Variants in TMC1 observed in about 807,000 individuals in gnomAD.
TMC1 encodes the protein transmembrane channel-like protein 1.
TMC1 carries 84 observed loss-of-function variants against 105.8 expected under a neutral mutation model. The observed-to-expected ratio is 0.79, with a 90% confidence interval of 0.67 to 0.95. TMC1 has a LOEUF of 0.95. Among genes scored for constraint, TMC1 ranks in the 40% least tolerant of loss-of-function variants. The pLI is 0.00. For missense variants in TMC1, 817 were observed against 914.1 expected, an observed-to-expected ratio of 0.89 and a Z score of 1.37; for synonymous variants, 315 against 311.5, an observed-to-expected ratio of 1.01 and a Z score of -0.12.
intron 1 of TMC1, among the ~76,000 whole-genome samples, chr9:72,555,975 A>G (rs1468661818): frequency 5.7e-5 from 2 of 35,192 alleles, no homozygotes; most frequent in Non-Finnish European, 1.0e-4. Flanking sequence ...GACTAAGGCA[A>G]AAAAAAAAAA....
chr9:72,550,877 A>G (rs185783552), intron 1 of TMC1, among the ~76,000 whole-genome samples: 115 of 152,270 alleles, frequency 7.6e-4, no homozygotes, highest in African/African-American at 2.6e-3. Context: ...ATCATGAGTT[A>G]GAGAGATTAT....
chr9:72,823,100 A>T (rs1247928536), intron 20 of TMC1, among the ~76,000 whole-genome samples: 1 of 152,178 alleles, frequency 6.6e-6, no homozygotes, highest in Non-Finnish European at 1.5e-5. Context: ...TCAGTTCTTT[A>T]GGGTGATTTG....
intron 2 of TMC1, among the ~76,000 whole-genome samples, chr9:72,582,478 A>G (rs996620328): frequency 6.6e-6 from 1 of 152,218 alleles, no homozygotes. Flanking sequence ...GGATTTAGTT[A>G]GTATCCAGGA....
At chr9:72,821,302 T>C (rs1032925206) in intron 20 of TMC1, among the ~76,000 whole-genome samples, 1 of 152,018 alleles carries the variant, frequency 6.6e-6, no homozygotes, top group African/African-American at 2.4e-5. Flanking sequence ...GAGACAAGCC[T>C]GGCCAACACG....
At chr9:72,547,056 G>GC (rs1564402079) in intron 1 of TMC1, among the ~76,000 whole-genome samples, 1 of 152,156 alleles carries the variant, frequency 6.6e-6, no homozygotes, top group African/African-American at 2.4e-5. Context: ...GGAGGCCAAG[G>GC]CAAGTGGATC....
chr9:72,833,207 C>T (rs1230765270), intron 23 of TMC1, among the ~76,000 whole-genome samples: 2 of 152,184 alleles, frequency 1.3e-5, no homozygotes, highest in Non-Finnish European at 2.9e-5. Context: ...GTCTTCACAG[C>T]TAAGCCAAGT....
At chr9:72,618,720 T>G (rs1825189178) in intron 3 of TMC1, among the ~76,000 whole-genome samples, 1 of 151,328 alleles carries the variant, frequency 6.6e-6, no homozygotes. Flanking sequence ...TTTATGCTTA[T>G]CATAACATAT....
At chr9:72,766,819 A>G (rs980003648) in intron 12 of TMC1, among the ~76,000 whole-genome samples, 20 of 152,160 alleles carry the variant, frequency 1.3e-4, no homozygotes, top group Non-Finnish European at 2.4e-4. Flanking sequence ...CACCTGTTTC[A>G]TGTCTATGAA....
intron 17 of TMC1, 48 bp from the exon 18 acceptor site, chr9:72,805,334 C>A (rs749193819): frequency 6.2e-7 from 1 of 1,606,352 alleles, no homozygotes; most frequent in South Asian, 1.1e-5. Flanking sequence ...ACACTAGGAC[C>A]ATTTGAAGAC....
chr9:72,651,926 C>T (rs1005174917), intron 5 of TMC1, among the ~76,000 whole-genome samples: 9 of 152,096 alleles, frequency 5.9e-5, no homozygotes, highest in Non-Finnish European at 1.3e-4. Context: ...TTTCCCTTGA[C>T]TCCCCAAAGT....
intron 12 of TMC1, among the ~76,000 whole-genome samples, chr9:72,769,801 C>G (rs575349004): frequency 6.6e-6 from 1 of 152,184 alleles, no homozygotes; most frequent in Middle Eastern, 3.4e-3. Context: ...GGAAATAGGG[C>G]AATGAAAAAC....
chr9:72,563,954 G>A (rs1380559295), intron 1 of TMC1, among the ~76,000 whole-genome samples: 1 of 148,160 alleles, frequency 6.7e-6, no homozygotes, highest in African/African-American at 2.5e-5. Context: ...GGAGATATAG[G>A]ATTCCTATTG....
At chr9:72,724,512 A>C (rs1157482949) in intron 8 of TMC1, among the ~76,000 whole-genome samples, 1 of 152,190 alleles carries the variant, frequency 6.6e-6, no homozygotes, top group Non-Finnish European at 1.5e-5. Flanking sequence ...AAACTTTAGG[A>C]GACATAGTCA....
At chr9:72,783,472 C>T (rs113554807) in intron 13 of TMC1, among the ~76,000 whole-genome samples, 2 of 152,230 alleles carry the variant, frequency 1.3e-5, no homozygotes, top group African/African-American at 4.8e-5. Flanking sequence ...CTCAGCAAGC[C>T]AGCTTACCCC....
At chr9:72,702,058 T>C (rs1826654670) in intron 8 of TMC1, among the ~76,000 whole-genome samples, 1 of 152,214 alleles carries the variant, frequency 6.6e-6, no homozygotes, top group Non-Finnish European at 1.5e-5. Flanking sequence ...TGCTAAATTA[T>C]AGGTTTTAAA....
At chr9:72,562,434 A>G (rs1564411807) in intron 1 of TMC1, among the ~76,000 whole-genome samples, 1 of 152,214 alleles carries the variant, frequency 6.6e-6, no homozygotes, top group South Asian at 2.1e-4. Flanking sequence ...CCTTTGTGCT[A>G]TGTTATATTG....
At chr9:72,596,340 A>G (rs2132109110) in intron 2 of TMC1, among the ~76,000 whole-genome samples, 1 of 152,270 alleles carries the variant, frequency 6.6e-6, no homozygotes, top group Admixed American at 6.5e-5. Flanking sequence ...GTTTTTCTTG[A>G]ACAATTCAGT....
intron 6 of TMC1, among the ~76,000 whole-genome samples, chr9:72,691,084 G>T (rs556149352): frequency 6.6e-6 from 1 of 152,056 alleles, no homozygotes; most frequent in East Asian, 1.9e-4. Flanking sequence ...TCTTTTGCTT[G>T]ATCGAGTCTG....
At chr9:72,830,780 G>A in intron 23 of TMC1, 98 bp downstream of exon 23, 1 of 1,037,704 alleles carries the variant, frequency 9.6e-7, no homozygotes, top group Non-Finnish European at 1.4e-6. Flanking sequence ...GATGGTGAGT[G>A]GCATTATTGC....
Sources: gnomAD v4.1 joint callset for allele counts (sites outside exome capture counted in the v4.1 genomes callset) on GRCh38, gnomAD v4.1.1 for gene constraint, MANE v1.5 for transcripts, NCBI Gene and HGNC (gene_info 2026-07-23, HGNC 2026-07-21) for gene names.